Variants in MEI4 observed in about 807,000 individuals in gnomAD.
MEI4 encodes the protein meiosis-specific protein MEI4.
MEI4 carries 27 observed loss-of-function variants against 31.4 expected under a neutral mutation model. The ratio of observed to expected loss-of-function variants is 0.86; its 90% confidence interval spans 0.63 to 1.19. MEI4 has a LOEUF of 1.19. Ranked by LOEUF, MEI4 falls within the 50% of genes most tolerant of loss-of-function variation. The pLI, the probability that MEI4 is intolerant of heterozygous loss-of-function variation, is 0.00. For synonymous variants in MEI4, 122 were observed against 145.4 expected, an observed-to-expected ratio of 0.84 and a Z score of 1.16; for missense variants, 329 against 398.9, an observed-to-expected ratio of 0.82 and a Z score of 1.49.
intron 4 of MEI4, among the ~76,000 whole-genome samples, chr6:77,901,543 C>T (rs1766188838): frequency 6.6e-6 from 1 of 151,968 alleles, no homozygotes; most frequent in African/African-American, 2.4e-5. Context: ...GGTCCTTTGC[C>T]CATTTTTAAT....
At chr6:77,677,495 G>C (rs966785264) in intron 1 of MEI4, among the ~76,000 whole-genome samples, 1 of 152,122 alleles carries the variant, frequency 6.6e-6, no homozygotes, top group African/African-American at 2.4e-5. Context: ...TGTATCTAAT[G>C]GATCACAAAG....
At chr6:77,700,371 C>T (rs564819522) in intron 2 of MEI4, among the ~76,000 whole-genome samples, 2 of 152,286 alleles carry the variant, frequency 1.3e-5, no homozygotes, top group South Asian at 2.1e-4. Flanking sequence ...AGGGAGACTC[C>T]GTGGGTGTAG....
chr6:77,788,479 T>G (rs966713620), intron 3 of MEI4, among the ~76,000 whole-genome samples: 77 of 152,204 alleles, frequency 5.1e-4, no homozygotes, highest in South Asian at 1.2e-3. Flanking sequence ...GTTTGCAGAT[T>G]ACTTGATTGT....
rs1339312282 is a variant in MEI4 at position 77,898,152 on chromosome 6, T to G, written c.901-24937T>G. ...TCCTAGCTAAGCCCCTGCTTATTTG[T>G]TAGCTGCTTTGGTGCTTTCTCCTAT... On this transcript the variant is annotated intron_variant, in intron 4 of 4. Transcript: ENST00000684080. 2.6e-5 allele frequency among the ~76,000 whole-genome samples: 4 copies of G among 152,160 alleles called. No homozygotes were observed. In the East Asian group the frequency reaches 7.7e-4, roughly 29 times the overall value.
chr6:77,677,663 C>T (rs1278679740), intron 1 of MEI4, among the ~76,000 whole-genome samples: 3 of 152,160 alleles, frequency 2.0e-5, no homozygotes, highest in Non-Finnish European at 4.4e-5. Context: ...CACATGTCCT[C>T]ACCTCAGCCT....
At chr6:77,862,795 C>T (rs1770900482) in intron 4 of MEI4, among the ~76,000 whole-genome samples, 1 of 152,176 alleles carries the variant, frequency 6.6e-6, no homozygotes. Context: ...GGTCCCTGAC[C>T]CCCAAGTAGC....
intron 3 of MEI4, among the ~76,000 whole-genome samples, chr6:77,825,961 T>G (rs1485220967): frequency 6.6e-6 from 1 of 152,212 alleles, no homozygotes; most frequent in Non-Finnish European, 1.5e-5. Context: ...GAAACTCATG[T>G]GGGAGAAAGA....
chr6:77,776,487 G>A (rs921844371), intron 3 of MEI4, among the ~76,000 whole-genome samples: 1 of 152,044 alleles, frequency 6.6e-6, no homozygotes, highest in Non-Finnish European at 1.5e-5. Context: ...CTTCCTTCAG[G>A]CTTCTGGGAA....
At chr6:77,773,976 C>T (rs559548903) in intron 3 of MEI4, among the ~76,000 whole-genome samples, 95 of 151,812 alleles carry the variant, frequency 6.3e-4, no homozygotes, top group Non-Finnish European at 1.2e-3. Context: ...TAATCTTACC[C>T]CAATTAAAAT....
intron 2 of MEI4, among the ~76,000 whole-genome samples, chr6:77,697,731 A>G (rs910743949): frequency 6.6e-6 from 1 of 151,980 alleles, no homozygotes; most frequent in East Asian, 1.9e-4. Context: ...TGCTGAAAAA[A>G]GTATATATTC....
chr6:77,706,532 A>C, intron 2 of MEI4, among the ~76,000 whole-genome samples: 1 of 152,214 alleles, frequency 6.6e-6, no homozygotes. Flanking sequence ...TTTTGATTAA[A>C]TAAATCTGTT....
chr6:77,925,327 G>C lies in MEI4; in HGVS notation c.*1981G>C, dbSNP rs908606353. 6.6e-6 allele frequency: 1 copy of C among 151,746 alleles called. No individual in the cohort carries two copies. Among genetic ancestry groups the C allele is most frequent in the Admixed American group, 6.6e-5 (1 of 15,162 alleles). 9.4% of individuals were successfully genotyped at this position (151,746 alleles called of 1,614,324 possible). ...TGGAGAAACATTTTATTTCCATTTG[G>C]TATCCATTTTATATAAACATTTAAC... On this transcript the variant is annotated 3_prime_UTR_variant, in exon 5 of 5. Coordinates refer to ENST00000684080, the MANE Select transcript of MEI4 (RefSeq NM_001322247.2).
chr6:77,854,112 A>G (rs1770694524), intron 4 of MEI4, among the ~76,000 whole-genome samples: 2 of 152,112 alleles, frequency 1.3e-5, no homozygotes, highest in East Asian at 1.9e-4. Flanking sequence ...TGTTTCTCCA[A>G]AAGTATCATA....
chr6:77,866,968 G>T (rs1771050606), intron 4 of MEI4, among the ~76,000 whole-genome samples: 3 of 152,128 alleles, frequency 2.0e-5, no homozygotes, highest in Non-Finnish European at 4.4e-5. Flanking sequence ...AACAAGCAAT[G>T]GGGAAAGGAT....
chr6:77,868,182 A>G (rs1410757334), intron 4 of MEI4, among the ~76,000 whole-genome samples: 1 of 151,726 alleles, frequency 6.6e-6, no homozygotes. Context: ...ACTAACCTGC[A>G]CATTGTACAC....
intron 3 of MEI4, among the ~76,000 whole-genome samples, chr6:77,796,357 C>T (rs1449005290): frequency 1.3e-5 from 2 of 152,046 alleles, no homozygotes; most frequent in Non-Finnish European, 2.9e-5. Context: ...CAATGGAGGT[C>T]CTAGCCAGAG....
intron 4 of MEI4, among the ~76,000 whole-genome samples, chr6:77,911,763 A>G (rs1345883432): frequency 6.7e-6 from 1 of 149,378 alleles, no homozygotes; most frequent in African/African-American, 2.4e-5. Context: ...CATCTTCTTT[A>G]TCCAGTCCAC....
At chr6:77,898,325 G>T (rs938313294) in intron 4 of MEI4, among the ~76,000 whole-genome samples, 1 of 151,998 alleles carries the variant, frequency 6.6e-6, no homozygotes, top group Non-Finnish European at 1.5e-5. Context: ...GTTTCCTACT[G>T]AATTATCATG....
At chr6:77,862,195 C>T (rs1770883960) in intron 4 of MEI4, among the ~76,000 whole-genome samples, 3 of 152,166 alleles carry the variant, frequency 2.0e-5, no homozygotes, top group Admixed American at 2.0e-4. Flanking sequence ...AGGCTCATCT[C>T]ACTGGAGAGT....
Sources: gnomAD v4.1 joint callset for allele counts (sites outside exome capture counted in the v4.1 genomes callset) on GRCh38, gnomAD v4.1.1 for gene constraint, MANE v1.5 for transcripts, NCBI Gene and HGNC (gene_info 2026-07-23, HGNC 2026-07-21) for gene names.